The following NPLOC4 variants were observed in gnomAD, a reference collection of about 807,000 sequenced individuals.
The protein encoded by NPLOC4 is nuclear protein localization protein 4 homolog.
A neutral mutation model predicts 80.6 loss-of-function variants in NPLOC4; 18 were observed. The ratio of observed to expected loss-of-function variants is 0.22; its 90% CI spans 0.15 to 0.33. The LOEUF (loss-of-function observed/expected upper bound fraction) is 0.33. NPLOC4 is among the 10% of genes least tolerant of loss of function. The probability of loss-of-function intolerance (pLI) is 1.00; values close to 1 mark genes in which losing one functional copy is unlikely to be tolerated. For synonymous variants in NPLOC4, 313 were observed against 301.5 expected, an observed-to-expected ratio of 1.04 and a Z score of -0.39; for missense variants, 540 against 786.1, an observed-to-expected ratio of 0.69 and a Z score of 3.74.
intron 16 of NPLOC4, 69 bp from the exon 17 acceptor site, chr17:81,559,485 G>A (rs1227562886): frequency 6.7e-7 from 1 of 1,502,882 alleles, no homozygotes; most frequent in South Asian, 1.3e-5. Context: ...GTGTGGGCAT[G>A]GGGGCAGGGG....
intron 8 of NPLOC4, 85 bp from the exon 9 acceptor site, chr17:81,600,512 G>A: frequency 1.0e-6 from 1 of 990,702 alleles, no homozygotes; most frequent in Admixed American, 2.0e-5. Flanking sequence ...CCAGCTCTAG[G>A]TCACAAGGAG....
chr17:81,579,408 C>T (rs1598629582), intron 12 of NPLOC4, among the ~76,000 whole-genome samples: 1 of 152,234 alleles, frequency 6.6e-6, no homozygotes, highest in Admixed American at 6.5e-5. Flanking sequence ...CTGTCTGATG[C>T]ATGTGGATCT....
rs1469708431 is a variant in NPLOC4 at position 81,567,488 on chromosome 17, C to T, written c.1495G>A (p.Val499Met). 6.2e-7 allele frequency: 1 copy of T among 1,613,614 alleles called. No homozygotes were observed. The change falls in exon 15 of 17, where the codon GTG becomes ATG. Residue 499 changes from valine (V) to methionine (M), a missense_variant. This residue lies in a region of NPLOC4 where 251 missense variants were observed against 377.5 expected (regional missense o/e 0.66). Transcript: ENST00000331134. This position sits in a 1 kb window ranked among gnomAD's most constrained non-coding sequence, Gnocchi z 4.5. ...AAATCTGAGATGGTATCCAAGAACACAGATGAGGTATTCTGAGACAAATAG... is the reference window on the plus strand; with the variant it reads ...AAATCTGAGATGGTATCCAAGAACATAGATGAGGTATTCTGAGACAAATAG... ...ATYLSQNTSS[V>M]FLDTISDFHL...
rs942532345 is a variant in NPLOC4 at position 81,573,434 on chromosome 17, A to G, written c.1282-1346T>C. The G allele has an allele frequency of 4.6e-5, 7 of 152,002 alleles. 1 individual carries two copies. Among genetic ancestry groups the G allele is most frequent in the African/African-American group, 1.7e-4 (7 of 41,352 alleles). 9.4% of individuals were successfully genotyped at this position (152,002 alleles called of 1,614,324 possible). ...AACCAAGTCCATTACCCTAATGAGA[A>G]GCCCCAGGCCCCCATTTGGCCCTTG... On this transcript the variant is annotated intron_variant, in intron 12 of 16. Transcript: ENST00000331134.
chr17:81,564,788 CAAA>C (rs796741069), intron 16 of NPLOC4: 5 of 100,662 alleles, frequency 5.0e-5, no homozygotes, highest in Non-Finnish European at 4.6e-5. Flanking sequence ...AACTCCGTCT[CAAA>C]AAAAAAAAAA....
intron 7 of NPLOC4, 85 bp from the exon 8 acceptor site, chr17:81,604,812 A>G (rs2035155429): frequency 8.0e-7 from 1 of 1,242,976 alleles, no homozygotes; most frequent in Non-Finnish European, 1.1e-6. Context: ...ATTCATAAAT[A>G]TCTTTTACCT....
chr17:81,607,425 A>G (rs563481666), intron 6 of NPLOC4, among the ~76,000 whole-genome samples: 1 of 152,022 alleles, frequency 6.6e-6, no homozygotes, highest in East Asian at 1.9e-4. Flanking sequence ...CTGTATCTTT[A>G]AGGTAGACGT....
At chr17:81,635,718 T>G (rs1024533799) in intron 1 of NPLOC4, among the ~76,000 whole-genome samples, 1 of 152,088 alleles carries the variant, frequency 6.6e-6, no homozygotes, top group Admixed American at 6.5e-5. Flanking sequence ...GGAGACCTAT[T>G]CTAGACAACA....
Position 81,629,737 on chromosome 17 carries a change from T to C in NPLOC4, c.84A>G (p.Thr28=), listed in dbSNP as rs746950565. The C allele has an allele frequency of 1.9e-6, 3 of 1,613,526 alleles. No homozygotes were observed. Among genetic ancestry groups the C allele is most frequent in the South Asian group, 1.1e-5 (1 of 91,068 alleles). ...ITATKRETAA[T]FLKKVAKEFG... is the part of the protein sequence containing the mutation. ...AGGCCACAGATACCTTTTTCAAAAA[T>C]GTTGCTGCTGTTTCTCTCTTTGTTG... The change falls in exon 2 of 17, where the codon ACA becomes ACG. Residue 28 remains threonine (T), a synonymous_variant. Transcript: ENST00000331134.
rs2035888195 is a variant in NPLOC4, at chr17:81,629,977, TGA to T, written c.16-174_16-173del. ...CCTTCTAGAATATGATGCCGAGGGGTGAGATTCATCAACATATGGGGAGATAT... is the reference window on the plus strand; with the variant it reads ...CCTTCTAGAATATGATGCCGAGGGGTGATTCATCAACATATGGGGAGATAT... On this transcript the variant is annotated intron_variant, in intron 1 of 16. Coordinates refer to ENST00000331134, the MANE Select transcript of NPLOC4 (RefSeq NM_017921.4). 41 of 570,166 alleles carry T rather than the reference TGA, an allele frequency of 7.2e-5. 1 individual carries two copies. The South Asian group carries it at 8.6e-4, about 12-fold the overall frequency. 35.3% of individuals were successfully genotyped at this position (570,166 alleles called of 1,614,324 possible). A position where few individuals can be genotyped will look rare whatever the true frequency, so the allele number is the denominator to read the frequency against.
At position 81,593,736 on chromosome 17, in the gene NPLOC4, C is replaced by T. The variant is rs894094642; in HGVS notation, c.1120+2380G>A. Among the ~76,000 whole-genome samples the T allele has an allele frequency of 4.0e-5, 6 of 151,672 alleles. No homozygotes were observed. In the South Asian group the frequency reaches 6.3e-4, roughly 16 times the overall value. ...CTTTTCTCCCCGTCTCTAAATACAA[C>T]GCTGGCCAGGCAGAATTCTAAATGA... is the stretch of plus-strand genomic sequence containing the variant. On this transcript the variant is annotated intron_variant, in intron 11 of 16. Coordinates refer to ENST00000331134, the MANE Select transcript of NPLOC4 (RefSeq NM_017921.4).
chr17:81,611,020 C>T (rs1365773143), intron 4 of NPLOC4, among the ~76,000 whole-genome samples: 1 of 151,160 alleles, frequency 6.6e-6, no homozygotes, highest in Non-Finnish European at 1.5e-5. Context: ...AACTCAAAGT[C>T]AATGTAAGTA....
At chr17:81,632,168 G>A (rs1172666640) in intron 1 of NPLOC4, among the ~76,000 whole-genome samples, 3 of 151,550 alleles carry the variant, frequency 2.0e-5, no homozygotes, top group Non-Finnish European at 4.4e-5. Context: ...TAGAGACGGG[G>A]TTTCAACATG....
At chr17:81,595,530 A>ATTTTTTTTTTTTTT (rs200287444) in intron 11 of NPLOC4, among the ~76,000 whole-genome samples, 3 of 113,102 alleles carry the variant, frequency 2.7e-5, no homozygotes, top group Non-Finnish European at 5.9e-5. Context: ...ACATATATAT[A>ATTTTTTTTTTTTTT]TATATTTTTT....
intron 3 of NPLOC4, among the ~76,000 whole-genome samples, chr17:81,619,383 CA>C (rs1193583382): frequency 2.1e-5 from 3 of 145,872 alleles, no homozygotes; most frequent in Non-Finnish European, 4.5e-5. Flanking sequence ...TCTCAAAAAA[CA>C]AAAACAAAAA....
At chr17:81,575,712 C>T (rs979854747) in intron 12 of NPLOC4, among the ~76,000 whole-genome samples, 16 of 152,356 alleles carry the variant, frequency 1.1e-4, no homozygotes, top group African/African-American at 3.8e-4. Context: ...AGGGCACACG[C>T]AGGCCTCCCT....
chr17:81,572,059 G>A lies in NPLOC4; in HGVS notation c.1311C>T (p.Thr437=). The A allele has an allele frequency of 1.2e-6, 2 of 1,609,256 alleles. No homozygotes were observed. The highest frequency in any genetic ancestry group is 1.7e-6 in the Non-Finnish European group (2 of 1,177,260). The change falls in exon 13 of 17, where the codon ACC becomes ACT. Residue 437 remains threonine, a synonymous_variant. Transcript: ENST00000331134. The surrounding 1 kb of genome is among the most constrained non-coding windows in gnomAD (Gnocchi z 4.5). ...KDVDKFGNEI[T]QLARPLPVEY... is the part of the protein sequence containing the mutation. ...CCACAGGCAGGGGCCGGGCCAGCTG[G>A]GTGATCTCGTTGCCAAACTTGTCTA...
chr17:81,598,504 G>A (rs942064169), intron 9 of NPLOC4, among the ~76,000 whole-genome samples: 2 of 152,184 alleles, frequency 1.3e-5, no homozygotes, highest in Non-Finnish European at 2.9e-5. Flanking sequence ...CTAGAGAAAG[G>A]CACATAATAC....
At chr17:81,565,367 G>A (rs763393195) in intron 16 of NPLOC4, 138 bp downstream of exon 16, 40 of 776,410 alleles carry the variant, frequency 5.2e-5, no homozygotes, top group Admixed American at 2.6e-4. Context: ...GTCTCTACTC[G>A]TTGCATTGCC....
Sources: gnomAD v4.1 joint callset for allele counts (sites outside exome capture counted in the v4.1 genomes callset) on GRCh38, gnomAD v4.1.1 for gene constraint, gnomAD v4.1.1 regional missense constraint, Gnocchi (gnomAD v3.1) non-coding constraint, MANE v1.5 for transcripts, NCBI Gene and HGNC (gene_info 2026-07-23, HGNC 2026-07-21) for gene names.